Variants in ITGA11 observed in about 807,000 individuals in gnomAD.
The protein encoded by ITGA11 is integrin alpha-11.
ITGA11 carries 97 observed loss-of-function variants against 141.9 expected under a neutral mutation model. The observed-to-expected ratio is 0.68, with a 90% CI of 0.58 to 0.81. The LOEUF (loss-of-function observed/expected upper bound fraction) is 0.81, where lower values mean the gene tolerates loss of function less well. ITGA11 is among the 30% of genes least tolerant of loss of function. The probability of loss-of-function intolerance (pLI) is 0.00; values close to 1 mark genes in which losing one functional copy is unlikely to be tolerated. For missense variants in ITGA11, 1,387 were observed against 1,559.2 expected, an observed-to-expected ratio of 0.89 and a Z score of 1.86; for synonymous variants, 658 against 624.6, an observed-to-expected ratio of 1.05 and a Z score of -0.80.
chr15:68,361,993 C>T, intron 4 of ITGA11: 2 of 308,176 alleles, frequency 6.5e-6, no homozygotes, highest in Admixed American at 9.3e-5. Flanking sequence ...TACTTCTTCA[C>T]CCTACCTGCC....
rs187608339 is a variant in ITGA11, at chr15:68,328,927, A to C, written c.1902-665T>G. ...ACTACCCCATCCAGGTAACCAAGGAAATACAAATTTACCCTTATACCGGCC... is the reference window on the plus strand; with the variant it reads ...ACTACCCCATCCAGGTAACCAAGGACATACAAATTTACCCTTATACCGGCC... On this transcript the variant is annotated intron_variant, in intron 15 of 29. Transcript: ENST00000315757. The surrounding 1 kb of genome is among the most constrained non-coding windows in gnomAD (Gnocchi z 4.8). 1.3e-5 allele frequency among the ~76,000 whole-genome samples: 2 copies of C among 152,340 alleles called. No homozygotes were observed. Among genetic ancestry groups the C allele is most frequent in the African/African-American group, 4.8e-5 (2 of 41,572 alleles).
chr15:68,314,407 G>A (rs758219474), intron 22 of ITGA11, among the ~76,000 whole-genome samples: 9 of 152,212 alleles, frequency 5.9e-5, no homozygotes, highest in Non-Finnish European at 5.9e-5. Flanking sequence ...GGGGGGTTCT[G>A]TCCAGTGTGC....
At chr15:68,360,546 T>C (rs777457395) in intron 5 of ITGA11, among the ~76,000 whole-genome samples, 3 of 151,996 alleles carry the variant, frequency 2.0e-5, no homozygotes, top group Admixed American at 6.6e-5. Context: ...CCACATGGGG[T>C]GCCCTGGAAT....
Position 68,301,230 on chromosome 15 carries a change from C to T in ITGA11, c.*1829G>A, listed in dbSNP as rs531323668. ...TGGGAGCCTAGGGCTCTTCCTGGTT[C>T]TGAGTGTCCTCATTTATGCAAAAAC... On this transcript the variant is annotated 3_prime_UTR_variant, in exon 30 of 30. Transcript: ENST00000315757. The surrounding 1 kb of genome is among the most constrained non-coding windows in gnomAD (Gnocchi z 4.4). 6.6e-6 allele frequency: 1 copy of T among 152,350 alleles called. No individual in the cohort carries two copies. Among genetic ancestry groups the T allele is most frequent in the Non-Finnish European group, 1.5e-5 (1 of 68,040 alleles). The allele number at this position is 152,350 out of a possible 1,614,324, so 9.4% of individuals were successfully genotyped here.
At chr15:68,406,768 G>A (rs941742331) in intron 1 of ITGA11, among the ~76,000 whole-genome samples, 1 of 152,146 alleles carries the variant, frequency 6.6e-6, no homozygotes, top group African/African-American at 2.4e-5. Context: ...ATCTTCATTT[G>A]TCTGGGACAG....
At chr15:68,413,690 G>A (rs1005480238) in intron 1 of ITGA11, among the ~76,000 whole-genome samples, 2 of 152,128 alleles carry the variant, frequency 1.3e-5, no homozygotes, top group Non-Finnish European at 2.9e-5. Flanking sequence ...ACCCACCACG[G>A]CACATGTCAG....
intron 2 of ITGA11, among the ~76,000 whole-genome samples, chr15:68,391,614 G>A (rs1305976238): frequency 3.3e-5 from 5 of 152,236 alleles, no homozygotes; most frequent in African/African-American, 4.8e-5. Flanking sequence ...GAAGTGATAT[G>A]TGTTATCACA....
intron 10 of ITGA11, among the ~76,000 whole-genome samples, chr15:68,340,213 C>CA (rs10618087): frequency 0.67 from 96,170 of 143,208 alleles, 34,795 homozygotes; most frequent in East Asian, 0.82. Flanking sequence ...CTTGAAGATA[C>CA]AAAAAAAAAA....
intron 2 of ITGA11, among the ~76,000 whole-genome samples, chr15:68,375,313 C>T (rs912305727): frequency 6.6e-5 from 10 of 152,186 alleles, no homozygotes; most frequent in South Asian, 2.1e-4. Flanking sequence ...CTGGAGGAGC[C>T]GAGAGCTCGA....
At chr15:68,430,968 A>AC (rs1897254197) in intron 1 of ITGA11, among the ~76,000 whole-genome samples, 1 of 151,940 alleles carries the variant, frequency 6.6e-6, no homozygotes, top group Non-Finnish European at 1.5e-5. Flanking sequence ...ACCGCATCTG[A>AC]CCCCCACTAC....
In ITGA11 at chr15:68,361,452, A is replaced by G. The variant is rs891379613; in HGVS notation, c.472+138T>C. The G allele has an allele frequency of 4.8e-6, 3 of 622,102 alleles. No individual in the cohort carries two copies. The African/African-American group carries it at 5.5e-5, about 11-fold the overall frequency. The allele number at this position is 622,102 out of a possible 1,614,324, so 38.5% of individuals were successfully genotyped here. ...CCCAGAGAGTGGAGTGATACATTCCAGGTCATCCGGAGAGCTGGGGCAGGA... is the reference window on the plus strand; with the variant it reads ...CCCAGAGAGTGGAGTGATACATTCCGGGTCATCCGGAGAGCTGGGGCAGGA... On this transcript the variant is annotated intron_variant, in intron 5 of 29. Transcript: ENST00000315757.
At chr15:68,355,353 G>T (rs1595874884) in intron 7 of ITGA11, among the ~76,000 whole-genome samples, 1 of 152,318 alleles carries the variant, frequency 6.6e-6, no homozygotes, top group African/African-American at 2.4e-5. Context: ...CACGCTAGTT[G>T]AGCAATGACT....
At chr15:68,369,150 G>A in intron 3 of ITGA11, 34 bp downstream of exon 3, 4 of 1,485,744 alleles carry the variant, frequency 2.7e-6, no homozygotes, top group Non-Finnish European at 3.8e-6. Context: ...ACAACCGCTG[G>A]CCTCATTGTG....
intron 1 of ITGA11, among the ~76,000 whole-genome samples, chr15:68,409,156 G>A (rs1480456817): frequency 2.6e-5 from 4 of 152,160 alleles, no homozygotes; most frequent in East Asian, 1.9e-4. Flanking sequence ...TCTTCCCTTC[G>A]TCCTACGCTT....
intron 1 of ITGA11, among the ~76,000 whole-genome samples, chr15:68,427,583 G>A (rs1010976543): frequency 4.6e-5 from 7 of 152,140 alleles, no homozygotes; most frequent in Non-Finnish European, 7.3e-5. Context: ...GATTTCACAC[G>A]TCGTGTGACT....
chr15:68,328,119 G>T lies in ITGA11; in HGVS notation c.2045C>A (p.Pro682His). The T allele has an allele frequency of 6.2e-7, 1 of 1,613,810 alleles. No homozygotes were observed. Among genetic ancestry groups the T allele is most frequent in the Non-Finnish European group, 8.5e-7 (1 of 1,179,870 alleles). ...FLCFTPIFLA[P>H]HFQTTTVGIR... The stretch of plus-strand genomic sequence containing the variant: ...ACCAACAGTTGTTGTTTGGAAATGG[G>T]GTGCCAGGAAGATGGGCGTGAAGCA... Residue 682 changes from proline (P) to histidine (H), a missense_variant, in exon 16 of 30, where the codon CCC becomes CAC. Coordinates refer to ENST00000315757, the MANE Select transcript of ITGA11 (RefSeq NM_001004439.2). This position sits in a 1 kb window ranked among gnomAD's most constrained non-coding sequence, Gnocchi z 4.8.
chr15:68,363,382 T>C (rs1301893878), intron 4 of ITGA11, among the ~76,000 whole-genome samples: 1 of 152,094 alleles, frequency 6.6e-6, no homozygotes, highest in Non-Finnish European at 1.5e-5. Flanking sequence ...CCCTGACGGA[T>C]ATGTGTGTGG....
rs1403449910 is a variant in ITGA11, at chr15:68,324,517, T to C, written c.2322+614A>G. On this transcript the variant is annotated intron_variant, in intron 18 of 29. Transcript: ENST00000315757. The surrounding 1 kb of genome is among the most constrained non-coding windows in gnomAD (Gnocchi z 6.3). ...CAGCAGAATTGATCACTGCCTGACATTTTCCTTGAGTGGGATTTACATGGA... is the reference window on the plus strand; with the variant it reads ...CAGCAGAATTGATCACTGCCTGACACTTTCCTTGAGTGGGATTTACATGGA... Among the ~76,000 whole-genome samples, 1 of 152,140 alleles carries C rather than the reference T, an allele frequency of 6.6e-6. No individual in the cohort carries two copies. The highest frequency in any genetic ancestry group is 1.5e-5 in the Non-Finnish European group (1 of 68,032).
At position 68,374,056 on chromosome 15, in the gene ITGA11, A is replaced by G. The variant is rs1895666188; in HGVS notation, c.165-4772T>C. Among the ~76,000 whole-genome samples the G allele has an allele frequency of 2.0e-5, 3 of 152,234 alleles. 1 individual carries two copies. In the South Asian group the frequency reaches 6.2e-4, roughly 32 times the overall value. On this transcript the variant is annotated intron_variant, in intron 2 of 29. Coordinates refer to ENST00000315757, the MANE Select transcript of ITGA11 (RefSeq NM_001004439.2). The stretch of plus-strand genomic sequence containing the variant: ...ACAAGGCAAAAAAGTGCACATAGTT[A>G]AAATTACTCTTAGAAATTCCATATG...
Sources: allele counts gnomAD v4.1 joint callset (sites outside exome capture counted in the v4.1 genomes callset), GRCh38; gene constraint gnomAD v4.1.1; non-coding constraint Gnocchi (gnomAD v3.1); transcripts MANE v1.5; gene names NCBI Gene and HGNC (gene_info 2026-07-23, HGNC 2026-07-21).